Variants in ALMS1 observed in about 807,000 individuals in gnomAD.
ALMS1 encodes the protein centrosome-associated protein ALMS1.
Under a neutral mutation model 352.2 loss-of-function variants are expected in ALMS1, and 271 were observed. The ratio of observed to expected loss-of-function variants is 0.77; its 90% CI spans 0.70 to 0.85. The LOEUF is 0.85. Ranked by LOEUF, ALMS1 falls within the 40% of genes least tolerant of loss-of-function variation. ALMS1 has a pLI of 0.00. For missense variants in ALMS1, 5,445 were observed against 4,870.7 expected (o/e 1.12, Z -3.51); for synonymous variants, 1,865 against 1,761.2 (o/e 1.06, Z -1.48).
At chr2:73,475,841 A>G (rs79975151) in intron 9 of ALMS1, among the ~76,000 whole-genome samples, 2,975 of 152,132 alleles carry the variant, frequency 0.02, 112 homozygotes, top group African/African-American at 0.066. Flanking sequence ...TTTAGTTTTT[A>G]TATTTAGATC....
At chr2:73,601,675 G>A (rs1460192638) in intron 19 of ALMS1, among the ~76,000 whole-genome samples, 1 of 152,252 alleles carries the variant, frequency 6.6e-6, no homozygotes, top group Non-Finnish European at 1.5e-5. Context: ...CAAGGCCGCA[G>A]GAGGGAGGAT....
intron 7 of ALMS1, among the ~76,000 whole-genome samples, chr2:73,438,648 T>A (rs575434445): frequency 0.044 from 6,647 of 152,232 alleles, 360 homozygotes; most frequent in African/African-American, 0.1. Flanking sequence ...GTAGTTAAGC[T>A]TTCTGAAGGA....
At chr2:73,596,018 G>GAA (rs1395135917) in intron 16 of ALMS1, among the ~76,000 whole-genome samples, 3 of 152,146 alleles carry the variant, frequency 2.0e-5, no homozygotes, top group African/African-American at 7.2e-5. Context: ...TATATACTCT[G>GAA]GTTACAAGTC....
intron 2 of ALMS1, among the ~76,000 whole-genome samples, chr2:73,413,004 T>A (rs1271071295): frequency 2.0e-5 from 3 of 151,872 alleles, no homozygotes; most frequent in South Asian, 2.1e-4. Context: ...TTTTTTTTTT[T>A]AATTTTAGAC....
chr2:73,422,874 G>A lies in ALMS1; in HGVS notation c.664G>A (p.Ala222Thr). The A allele has an allele frequency of 1.2e-6, 2 of 1,613,064 alleles. No homozygotes were observed. Among genetic ancestry groups the A allele is most frequent in the Non-Finnish European group, 1.7e-6 (2 of 1,179,174 alleles). The part of the protein sequence containing the change: ...SPLLVIQDSF[A>T]SPDLPLLTCL... The stretch of plus-strand genomic sequence containing the variant: ...CTTTACAGTCATACAAGATAGCTTT[G>A]CTTCTCCTGATTTGCCTTTGCTGAC... The change falls in exon 4 of 23, where the codon GCT (alanine) becomes ACT (threonine). Residue 222 changes from alanine to threonine, a missense_variant. Coordinates refer to ENST00000613296, the MANE Select transcript of ALMS1 (RefSeq NM_001378454.1).
chr2:73,385,845 T>C lies in ALMS1; in HGVS notation c.-24T>C. On this transcript the variant is annotated 5_prime_UTR_variant, in exon 1 of 23. Coordinates refer to ENST00000613296, the MANE Select transcript of ALMS1 (RefSeq NM_001378454.1). ...CCCTCCCCCCCTCCTCCTCCTCCTC[T>C]GCCGCCCAGAGCGAGACACCAACAT... is the stretch of plus-strand genomic sequence containing the variant. 1 of 681,970 alleles carries C rather than the reference T, an allele frequency of 1.5e-6. No individual in the cohort carries two copies. The allele number at this position is 681,970 out of a possible 1,614,324, so 42.2% of individuals were successfully genotyped here.
chr2:73,498,011 A>AT (rs1368033720), intron 10 of ALMS1, among the ~76,000 whole-genome samples: 1 of 152,090 alleles, frequency 6.6e-6, no homozygotes, highest in Non-Finnish European at 1.5e-5. Context: ...GATCACATGA[A>AT]TTTTTTGGTT....
chr2:73,426,980 G>T (rs1288666375), intron 6 of ALMS1, among the ~76,000 whole-genome samples: 1 of 152,122 alleles, frequency 6.6e-6, no homozygotes, highest in African/African-American at 2.4e-5. Flanking sequence ...TTAGAGGTTG[G>T]TATAAAAGAA....
intron 6 of ALMS1, 96 bp from the exon 7 acceptor site, chr2:73,432,102 T>TA (rs1671510777): frequency 5.6e-6 from 5 of 899,436 alleles, no homozygotes; most frequent in Non-Finnish European, 9.2e-6. Flanking sequence ...TTGAAATTAA[T>TA]ATCTTATTTT....
intron 15 of ALMS1, among the ~76,000 whole-genome samples, chr2:73,564,247 C>T (rs1674731955): frequency 6.6e-6 from 1 of 151,952 alleles, no homozygotes; most frequent in East Asian, 1.9e-4. Flanking sequence ...GGGTGGATCA[C>T]TTGAGATCAG....
At chr2:73,434,186 T>A (rs1267769313) in intron 7 of ALMS1, among the ~76,000 whole-genome samples, 1 of 152,142 alleles carries the variant, frequency 6.6e-6, no homozygotes, top group Non-Finnish European at 1.5e-5. Context: ...ATTCTGTTTT[T>A]TAAGGTGGAC....
At position 73,453,127 on chromosome 2, in the gene ALMS1, A is replaced by G. The variant is rs539212496; in HGVS notation, c.6600A>G (p.Glu2200=). 2.5e-6 allele frequency: 4 copies of G among 1,614,072 alleles called. No individual in the cohort carries two copies. Among genetic ancestry groups the G allele is most frequent in the South Asian group, 1.1e-5 (1 of 91,074 alleles). Residue 2200 remains glutamate (E), a synonymous_variant, in exon 8 of 23, where the codon GAA becomes GAG. Coordinates refer to ENST00000613296, the MANE Select transcript of ALMS1 (RefSeq NM_001378454.1). ...GTGAGAATCACAAGCTTGTTTCAGA[A>G]CATGTCCAAAGGCTAATAGATAATT... ...SHGENHKLVS[E]HVQRLIDNLN... is the part of the protein sequence containing the mutation.
intron 10 of ALMS1, among the ~76,000 whole-genome samples, chr2:73,502,203 T>C (rs1466761627): frequency 2.6e-5 from 4 of 152,100 alleles, no homozygotes; most frequent in African/African-American, 9.7e-5. Flanking sequence ...AGAGAATTTA[T>C]ACAAGGCAAA....
chr2:73,608,927 A>G (rs1675881824), intron 22 of ALMS1, among the ~76,000 whole-genome samples: 1 of 152,234 alleles, frequency 6.6e-6, no homozygotes, highest in Non-Finnish European at 1.5e-5. Flanking sequence ...TTGGTGAGTC[A>G]GATACCTTTA....
In ALMS1 at chr2:73,550,331, C is replaced by T; in HGVS notation, c.9972C>T (p.Leu3324=). The T allele has an allele frequency of 1.2e-6, 2 of 1,614,192 alleles. No homozygotes were observed. Among genetic ancestry groups the T allele is most frequent in the Non-Finnish European group, 1.7e-6 (2 of 1,180,024 alleles). Residue 3324 remains leucine, a synonymous_variant, in exon 13 of 23, where the codon CTC becomes CTT. Transcript: ENST00000613296. ...TGCTAGGCACAAGAGATGATGACCT[C>T]TCAGCCACTGTTAACATTAAACATA... ...AQVLGTRDDD[L]SATVNIKHKE... is the part of the protein sequence containing the mutation.
intron 9 of ALMS1, among the ~76,000 whole-genome samples, chr2:73,487,899 A>G (rs1237787545): frequency 6.6e-6 from 1 of 152,038 alleles, no homozygotes; most frequent in East Asian, 1.9e-4. Context: ...TCAGCAGAGA[A>G]GAGACCCGGA....
At chr2:73,462,273 T>C (rs1401262610) in intron 9 of ALMS1, among the ~76,000 whole-genome samples, 9 of 152,152 alleles carry the variant, frequency 5.9e-5, no homozygotes, top group Admixed American at 3.3e-4. Flanking sequence ...AGAAACCCTA[T>C]AAGCCAGAAG....
At chr2:73,397,988 C>T (rs1670797761) in intron 1 of ALMS1, among the ~76,000 whole-genome samples, 1 of 152,154 alleles carries the variant, frequency 6.6e-6, no homozygotes, top group Admixed American at 6.5e-5. Flanking sequence ...TTAAATCCAG[C>T]TTATCAATTA....
At chr2:73,466,580 T>A (rs995577080) in intron 9 of ALMS1, among the ~76,000 whole-genome samples, 1 of 151,848 alleles carries the variant, frequency 6.6e-6, no homozygotes, top group Non-Finnish European at 1.5e-5. Flanking sequence ...AACATGGCAC[T>A]TGTATACATA....
Sources: allele counts gnomAD v4.1 joint callset (sites outside exome capture counted in the v4.1 genomes callset), GRCh38; gene constraint gnomAD v4.1.1; transcripts MANE v1.5; gene names NCBI Gene and HGNC (gene_info 2026-07-23, HGNC 2026-07-21).